Variants in PAPPA observed in about 807,000 individuals in gnomAD.
PAPPA encodes pappalysin 1.
PAPPA carries 60 observed loss-of-function variants against 164.0 expected under a neutral mutation model. The ratio of observed to expected loss-of-function variants is 0.37; its 90% CI spans 0.30 to 0.45. The LOEUF (loss-of-function observed/expected upper bound fraction) is 0.45. Among genes scored for constraint, PAPPA ranks in the 20% least tolerant of loss-of-function variants. The probability of loss-of-function intolerance (pLI) is 1.00; values close to 1 mark genes in which losing one functional copy is unlikely to be tolerated. For missense variants in PAPPA, 1,782 were observed against 2,087.3 expected (o/e 0.85, Z 2.85); for synonymous variants, 875 against 814.1 (o/e 1.07, Z -1.27).
chr9:116,203,587 G>T (rs1051827752), intron 2 of PAPPA, among the ~76,000 whole-genome samples: 2 of 152,162 alleles, frequency 1.3e-5, no homozygotes, highest in African/African-American at 2.4e-5. Context: ...TTTGAGTGTT[G>T]TTAATAATTT....
chr9:116,235,926 G>A (rs746072778), intron 7 of PAPPA, among the ~76,000 whole-genome samples: 2 of 152,180 alleles, frequency 1.3e-5, no homozygotes, highest in African/African-American at 2.4e-5. Context: ...AAATGAAGGA[G>A]GTTGGATGAG....
chr9:116,270,174 T>C (rs1845120724), intron 8 of PAPPA, among the ~76,000 whole-genome samples: 1 of 152,210 alleles, frequency 6.6e-6, no homozygotes, highest in Non-Finnish European at 1.5e-5. Flanking sequence ...GGGACTGTGA[T>C]TCCTTGAGCA....
intron 19 of PAPPA, among the ~76,000 whole-genome samples, chr9:116,373,946 A>G (rs865914657): frequency 2.7e-4 from 41 of 152,266 alleles, no homozygotes; most frequent in Middle Eastern, 3.4e-3. Flanking sequence ...ATGAGATGAA[A>G]GCTCTGAGCC....
In PAPPA at chr9:116,352,768, G is replaced by C; in HGVS notation, c.4027G>C (p.Glu1343Gln). 1.2e-6 allele frequency: 2 copies of C among 1,613,882 alleles called. No individual in the cohort carries two copies. The highest frequency in any genetic ancestry group is 2.7e-5 in the African/African-American group (2 of 75,036). Residue 1343 changes from glutamate (E) to glutamine (Q), a missense_variant, in exon 16 of 22, where the codon GAG (glutamate) becomes CAG (glutamine). Physicochemically the swap from Glu to Gln is conservative, Grantham distance 29. Transcript: ENST00000328252. ...GLWSFPEALC[E>Q]LMCLAPPPVP... ...GTGGTCCTTCCCAGAGGCCCTGTGT[G>C]AGCTCATGTGCCTCGCTCCACCCCC...
chr9:116,374,065 A>G (rs1158058255), intron 19 of PAPPA, among the ~76,000 whole-genome samples: 6 of 150,926 alleles, frequency 4.0e-5, no homozygotes, highest in Non-Finnish European at 8.9e-5. Context: ...GATGTTAGTG[A>G]TGGTGTTTTC....
intron 9 of PAPPA, chr9:116,286,108 A>G (rs1485968578): frequency 6.6e-6 from 1 of 152,170 alleles, no homozygotes; most frequent in African/African-American, 2.4e-5. Flanking sequence ...AAAGTATGCT[A>G]TCTTAGCCAG....
intron 12 of PAPPA, among the ~76,000 whole-genome samples, chr9:116,333,155 G>C (rs909725525): frequency 1.3e-5 from 2 of 152,138 alleles, no homozygotes; most frequent in African/African-American, 2.4e-5. Flanking sequence ...CCTGAATCCA[G>C]AGCTGACAGC....
At chr9:116,272,839 G>T (rs1165455386) in intron 9 of PAPPA, among the ~76,000 whole-genome samples, 5 of 152,204 alleles carry the variant, frequency 3.3e-5, no homozygotes, top group Non-Finnish European at 7.3e-5. Flanking sequence ...ACTGTGCTGA[G>T]AACTTACATA....
chr9:116,345,124 T>C (rs1370847129), intron 14 of PAPPA, among the ~76,000 whole-genome samples: 1 of 152,156 alleles, frequency 6.6e-6, no homozygotes, highest in East Asian at 1.9e-4. Flanking sequence ...CACTGGAAAT[T>C]GGATGCTATA....
rs1845987040 is a variant in PAPPA, at chr9:116,331,253, A to G, written c.3157A>G (p.Thr1053Ala). The change falls in exon 11 of 22, where the codon ACC becomes GCC. Residue 1053 changes from threonine (T) to alanine (A), a missense_variant. Around this residue, in one of 2 missense-constraint regions of PAPPA, gnomAD observed 1,324 missense variants for 1,656.9 expected, o/e 0.80. Coordinates refer to ENST00000328252, the MANE Select transcript of PAPPA (RefSeq NM_002581.5). ...CTTTATATTTTTCCAGGTGTGTCGA[A>G]CCAAGGTGATAGATCTCAGTGAAGG... is the stretch of plus-strand genomic sequence containing the variant. ...GQPAASQVCR[T>A]KVIDLSEGIS... is the part of the protein sequence containing the mutation. The G allele has an allele frequency of 6.2e-7, 1 of 1,601,030 alleles. No homozygotes were observed. Among genetic ancestry groups the G allele is most frequent in the Non-Finnish European group, 8.6e-7 (1 of 1,168,180 alleles).
chr9:116,156,322 ATATATATATGTG>A (rs1165182690), intron 1 of PAPPA, among the ~76,000 whole-genome samples: 4 of 96,290 alleles, frequency 4.2e-5, no homozygotes, highest in Non-Finnish European at 1.1e-4. Flanking sequence ...ATATGTGTGT[ATATATATATGTG>A]TATATATATA....
chr9:116,375,861 G>A (rs1846643406), intron 19 of PAPPA, among the ~76,000 whole-genome samples: 1 of 152,140 alleles, frequency 6.6e-6, no homozygotes. Context: ...AACAACCTCT[G>A]ATCATGTGGA....
chr9:116,205,096 G>A (rs373852258), intron 2 of PAPPA, among the ~76,000 whole-genome samples: 30 of 151,034 alleles, frequency 2.0e-4, no homozygotes, highest in Admixed American at 5.3e-4. Context: ...CCCTTTGGGT[G>A]GGTTCCCCTA....
chr9:116,397,931 A>T lies in PAPPA; in HGVS notation c.*1315A>T. Reference sequence around the variant, plus strand: ...ATAATTCTGGGAGAAAGAATCTTTTATAAGAACAGTACAGATTGTTCTCAA... The same window carrying T: ...ATAATTCTGGGAGAAAGAATCTTTTTTAAGAACAGTACAGATTGTTCTCAA... On this transcript the variant is annotated 3_prime_UTR_variant, in exon 22 of 22. Transcript: ENST00000328252. 1 of 152,618 alleles carries T rather than the reference A, an allele frequency of 6.6e-6. No homozygotes were observed. Among genetic ancestry groups the T allele is most frequent in the Admixed American group, 6.6e-5 (1 of 15,266 alleles). The allele number at this position is 152,618 out of a possible 1,614,324, so 9.5% of individuals were successfully genotyped here.
At chr9:116,214,332 G>C (rs1048045457) in intron 4 of PAPPA, among the ~76,000 whole-genome samples, 2 of 152,138 alleles carry the variant, frequency 1.3e-5, no homozygotes, top group African/African-American at 4.8e-5. Flanking sequence ...TTTTTCATAG[G>C]CTTGTCTCAT....
rs1587930948 is a variant in PAPPA, at chr9:116,154,255, C to T, written c.83C>T (p.Ala28Val). 8.2e-7 allele frequency: 1 copy of T among 1,218,870 alleles called. No individual in the cohort carries two copies. The highest frequency in any genetic ancestry group is 1.0e-6 in the Non-Finnish European group (1 of 974,056). 75.5% of individuals were successfully genotyped at this position (1,218,870 alleles called of 1,614,324 possible). A position where few individuals can be genotyped will look rare whatever the true frequency, so the allele number is the denominator to read the frequency against. The stretch of plus-strand genomic sequence containing the variant: ...GGGCTGGCCGAGCGTCCCCGCCGGG[C>T]CCGGAGAGACCCGCGGGCCGGCCGA... Reference protein sequence around the residue: ...GCGLAERPRRARRDPRAGRPP... With the variant: ...GCGLAERPRRVRRDPRAGRPP... Residue 28 changes from alanine (A) to valine (V), a missense_variant, in exon 1 of 22, where the codon GCC (alanine) becomes GTC (valine). By Grantham distance (64) the Ala-to-Val change is moderately conservative. Transcript: ENST00000328252. This position sits in a 1 kb window ranked among gnomAD's most constrained non-coding sequence, Gnocchi z 5.2.
chr9:116,179,097 T>C (rs570495612), intron 1 of PAPPA, among the ~76,000 whole-genome samples: 1 of 152,336 alleles, frequency 6.6e-6, no homozygotes, highest in South Asian at 2.1e-4. Context: ...TTTATCTCTT[T>C]TCTCTCTCAG....
chr9:116,346,240 C>T (rs1846208062), intron 14 of PAPPA, among the ~76,000 whole-genome samples: 1 of 152,202 alleles, frequency 6.6e-6, no homozygotes, highest in Non-Finnish European at 1.5e-5. Context: ...ATTGTCCATC[C>T]CTTGACTCCG....
At chr9:116,263,154 C>T (rs1476668070) in intron 7 of PAPPA, among the ~76,000 whole-genome samples, 1 of 151,892 alleles carries the variant, frequency 6.6e-6, no homozygotes, top group Non-Finnish European at 1.5e-5. Context: ...AAATATGAAC[C>T]ACACACACAC....
Sources: allele counts gnomAD v4.1 joint callset (sites outside exome capture counted in the v4.1 genomes callset), GRCh38; gene constraint gnomAD v4.1.1; regional missense constraint gnomAD v4.1.1; non-coding constraint Gnocchi (gnomAD v3.1); transcripts MANE v1.5; gene names NCBI Gene and HGNC (gene_info 2026-07-23, HGNC 2026-07-21).